DENND1A: variants seen among roughly 807,000 people sequenced by gnomAD.
The protein encoded by DENND1A is DENN domain-containing protein 1A.
Under a neutral mutation model 113.7 loss-of-function variants are expected in DENND1A, and 51 were observed. That is an observed-to-expected ratio of 0.45 (90% CI 0.36 to 0.57). DENND1A has a LOEUF of 0.57. DENND1A is among the 20% of genes least tolerant of loss of function. The pLI, the probability that DENND1A is intolerant of heterozygous loss-of-function variation, is 0.00. For missense variants in DENND1A, 1,258 were observed against 1,395.9 expected (o/e 0.90, Z 1.57); for synonymous variants, 565 against 570.8 (o/e 0.99, Z 0.14).
intron 12 of DENND1A, among the ~76,000 whole-genome samples, chr9:123,563,427 G>A (rs923160836): frequency 2.0e-5 from 3 of 152,182 alleles, no homozygotes; most frequent in Non-Finnish European, 2.9e-5. Flanking sequence ...GATTGGCTTC[G>A]CTGGACCTGG....
In DENND1A at chr9:123,929,972, C is replaced by T. The variant is rs1326149443; in HGVS notation, c.-67G>A. 2 of 288,688 alleles carry T rather than the reference C, an allele frequency of 6.9e-6. No individual in the cohort carries two copies. Among genetic ancestry groups the T allele is most frequent in the Non-Finnish European group, 1.3e-5 (2 of 159,072 alleles). 17.9% of individuals were successfully genotyped at this position (288,688 alleles called of 1,614,324 possible). A position where few individuals can be genotyped will look rare whatever the true frequency, so the allele number is the denominator to read the frequency against. On this transcript the variant is annotated 5_prime_UTR_variant, in exon 1 of 24. Coordinates refer to ENST00000394215, the MANE Select transcript of DENND1A (RefSeq NM_001352964.2). ...GCTGCGCTGCCCGCCCGCCCGCGGCCGACCGGCCTCCCTCTGGCGCTCTCC... is the reference window on the plus strand; with the variant it reads ...GCTGCGCTGCCCGCCCGCCCGCGGCTGACCGGCCTCCCTCTGGCGCTCTCC...
chr9:123,882,107 C>G (rs1848394512), intron 1 of DENND1A, among the ~76,000 whole-genome samples: 2 of 152,084 alleles, frequency 1.3e-5, no homozygotes, highest in Non-Finnish European at 2.9e-5. Flanking sequence ...CATTCAGTCT[C>G]TGGGCTTTCA....
intron 6 of DENND1A, among the ~76,000 whole-genome samples, chr9:123,671,723 A>G (rs1041507749): frequency 4.6e-5 from 7 of 152,198 alleles, no homozygotes; most frequent in African/African-American, 9.7e-5. Context: ...GGGGGTGGTT[A>G]GGAGAAATAA....
intron 5 of DENND1A, among the ~76,000 whole-genome samples, chr9:123,744,571 C>CA (rs913473813): frequency 6.6e-6 from 1 of 152,110 alleles, no homozygotes; most frequent in Non-Finnish European, 1.5e-5. Flanking sequence ...ACAACCTGAT[C>CA]AACAGTGTGT....
rs2065923103 is a variant in DENND1A, at chr9:123,702,207, A to C, written c.303-25418T>G. ...TCAATAGCAGACCTGATTAAGCAGA[A>C]GGAAAAAAATCTGTGAAGTCAAAGA... On this transcript the variant is annotated intron_variant, in intron 5 of 23. Coordinates refer to ENST00000394215, the MANE Select transcript of DENND1A (RefSeq NM_001352964.2). Among the ~76,000 whole-genome samples the C allele has an allele frequency of 3.9e-5, 6 of 152,308 alleles. No homozygotes were observed. In the South Asian group the frequency reaches 1.2e-3, roughly 32 times the overall value.
chr9:123,460,073 A>T (rs1222326584), intron 13 of DENND1A, among the ~76,000 whole-genome samples: 1 of 152,188 alleles, frequency 6.6e-6, no homozygotes, highest in African/African-American at 2.4e-5. Context: ...TGTATGTCCT[A>T]TGTGGCATCT....
chr9:123,661,154 A>G (rs1165849617), intron 8 of DENND1A, among the ~76,000 whole-genome samples: 1 of 152,212 alleles, frequency 6.6e-6, no homozygotes, highest in Non-Finnish European at 1.5e-5. Flanking sequence ...GGAACTGGAG[A>G]CACCCAGAAT....
intron 13 of DENND1A, among the ~76,000 whole-genome samples, chr9:123,513,013 A>G (rs1470146318): frequency 2.6e-5 from 4 of 152,248 alleles, no homozygotes; most frequent in Admixed American, 2.0e-4. Flanking sequence ...CCAGAAAAAG[A>G]GATACATAAC....
At chr9:123,615,050 G>A (rs1426457737) in intron 10 of DENND1A, among the ~76,000 whole-genome samples, 3 of 152,174 alleles carry the variant, frequency 2.0e-5, no homozygotes, top group Non-Finnish European at 2.9e-5. Context: ...TATCTTGCTG[G>A]AGAATGCGAA....
chr9:123,763,615 G>T (rs2071224820), intron 4 of DENND1A, among the ~76,000 whole-genome samples: 1 of 152,068 alleles, frequency 6.6e-6, no homozygotes, highest in Non-Finnish European at 1.5e-5. Flanking sequence ...GGTAAAGACT[G>T]GGATCACTTA....
intron 5 of DENND1A, among the ~76,000 whole-genome samples, chr9:123,693,041 C>T (rs2065276323): frequency 6.6e-6 from 1 of 152,142 alleles, no homozygotes; most frequent in African/African-American, 2.4e-5. Context: ...GCTCATGATC[C>T]TTTTTCTTTT....
At chr9:123,778,012 TCAGAA>T (rs1393104349) in intron 3 of DENND1A, among the ~76,000 whole-genome samples, 2 of 152,108 alleles carry the variant, frequency 1.3e-5, no homozygotes, top group Admixed American at 1.3e-4. Flanking sequence ...AAAATTATGC[TCAGAA>T]CAGATTGATG....
In DENND1A at chr9:123,579,501, C is replaced by T. The variant is rs576109960; in HGVS notation, c.867+3668G>A. On this transcript the variant is annotated intron_variant, in intron 12 of 23. Transcript: ENST00000394215. ...AGAAAGGTCACTCTGGGGCATGAGG[C>T]GGAAAGATTGGAGGGATGAGGCTGG... Among the ~76,000 whole-genome samples the T allele has an allele frequency of 4.1e-4, 62 of 151,914 alleles. 2 individuals carry two copies. The South Asian group carries it at 0.012, about 30-fold the overall frequency.
chr9:123,391,987 C>T (rs1588289501), intron 21 of DENND1A, among the ~76,000 whole-genome samples: 1 of 152,182 alleles, frequency 6.6e-6, no homozygotes, highest in South Asian at 2.1e-4. Context: ...CCCACGGCTG[C>T]TCCCGCCTCT....
chr9:123,403,831 C>T (rs2043713993), intron 20 of DENND1A, among the ~76,000 whole-genome samples: 1 of 152,178 alleles, frequency 6.6e-6, no homozygotes, highest in South Asian at 2.1e-4. Flanking sequence ...CAAAGAGGCC[C>T]TTATCAATGA....
chr9:123,413,843 A>G (rs2044504910), intron 19 of DENND1A: 3 of 984,814 alleles, frequency 3.0e-6, no homozygotes, highest in African/African-American at 3.5e-5. Context: ...CCACCCCTCA[A>G]TTCACACCAT....
intron 10 of DENND1A, among the ~76,000 whole-genome samples, chr9:123,615,850 C>T (rs1426072323): frequency 1.3e-5 from 2 of 152,226 alleles, no homozygotes; most frequent in African/African-American, 4.8e-5. Context: ...ACTGAGCACA[C>T]ACCACATTTC....
At chr9:123,409,382 G>A (rs2044131366) in intron 20 of DENND1A, among the ~76,000 whole-genome samples, 1 of 151,772 alleles carries the variant, frequency 6.6e-6, no homozygotes, top group Admixed American at 6.6e-5. Flanking sequence ...GACTTTTTGA[G>A]CCCCAACATG....
At chr9:123,920,085 T>C (rs1047844604) in intron 1 of DENND1A, among the ~76,000 whole-genome samples, 3 of 152,038 alleles carry the variant, frequency 2.0e-5, no homozygotes, top group Non-Finnish European at 2.9e-5. Context: ...TTTAAAATTT[T>C]CCAAAATAAA....
Sources: allele counts gnomAD v4.1 joint callset (sites outside exome capture counted in the v4.1 genomes callset), GRCh38; gene constraint gnomAD v4.1.1; transcripts MANE v1.5; gene names NCBI Gene and HGNC (gene_info 2026-07-23, HGNC 2026-07-21).